IFNGR1: variants seen among roughly 807,000 people sequenced by gnomAD.
The protein encoded by IFNGR1 is interferon gamma receptor 1.
A neutral mutation model predicts 35.4 loss-of-function variants in IFNGR1; 23 were observed. That is an observed-to-expected ratio of 0.65 (90% CI 0.47 to 0.92). The LOEUF (loss-of-function observed/expected upper bound fraction) is 0.92. IFNGR1 is among the 40% of genes least tolerant of loss of function. The probability of loss-of-function intolerance (pLI) is 0.00; values close to 1 mark genes in which losing one functional copy is unlikely to be tolerated. For synonymous variants in IFNGR1, 199 were observed against 209.5 expected (o/e 0.95, Z 0.43); for missense variants, 533 against 583.4 (o/e 0.91, Z 0.89).
intron 1 of IFNGR1, among the ~76,000 whole-genome samples, chr6:137,208,928 G>A (rs182597046): frequency 5.9e-5 from 9 of 152,346 alleles, no homozygotes; most frequent in Admixed American, 5.9e-4. Context: ...TGTGAAAGCA[G>A]CTGAGAGGGA....
In IFNGR1 at chr6:137,200,910, C is replaced by T. The variant is rs1398642871; in HGVS notation, c.832G>A (p.Glu278Lys). Residue 278 changes from glutamate (E) to lysine (K), a missense_variant, in exon 6 of 7, where the codon GAA becomes AAA. Physicochemically the swap from Glu to Lys is moderately conservative, Grantham distance 56. Coordinates refer to ENST00000367739, the MANE Select transcript of IFNGR1 (RefSeq NM_000416.3). ...FYIKKINPLK[E>K]KSIILPKSLI... ...GACTTGGGTAATATTATGCTTTTTT[C>T]CTTCAATGGATTAATTTTCTTAATA... 1.2e-5 allele frequency: 19 copies of T among 1,601,772 alleles called. No homozygotes were observed. The highest frequency in any genetic ancestry group is 1.5e-5 in the Non-Finnish European group (18 of 1,171,246).
intron 6 of IFNGR1, among the ~76,000 whole-genome samples, chr6:137,199,844 C>T (rs1779235164): frequency 1.3e-5 from 2 of 151,434 alleles, no homozygotes; most frequent in South Asian, 4.2e-4. Context: ...TTTTTACTAG[C>T]TATGGAACAT....
In IFNGR1 at chr6:137,219,355, C is replaced by A. The variant is rs757420395; in HGVS notation, c.-28G>T. ...TGCTACCGACGGTCGCTGGCTCCAA[C>A]CCCGAGCGCCTGCGGGACCAGCCCA... On this transcript the variant is annotated 5_prime_UTR_variant, in exon 1 of 7. Coordinates refer to ENST00000367739, the MANE Select transcript of IFNGR1 (RefSeq NM_000416.3). 4.3e-5 allele frequency: 68 copies of A among 1,584,832 alleles called. No homozygotes were observed. Among genetic ancestry groups the A allele is most frequent in the Non-Finnish European group, 5.6e-5 (65 of 1,166,100 alleles).
chr6:137,202,742 A>G (rs946895846), intron 5 of IFNGR1, among the ~76,000 whole-genome samples: 1 of 152,174 alleles, frequency 6.6e-6, no homozygotes, highest in African/African-American at 2.4e-5. Context: ...TAGAAAAACT[A>G]AAGAAAATAT....
At chr6:137,206,551 T>A (rs2114488529) in intron 2 of IFNGR1, 1 of 442,508 alleles carries the variant, frequency 2.3e-6, no homozygotes, top group East Asian at 3.8e-5. Flanking sequence ...CATTCCACAT[T>A]CAATTTTTTA....
At chr6:137,208,375 A>G (rs1779494941) in intron 1 of IFNGR1, among the ~76,000 whole-genome samples, 2 of 152,234 alleles carry the variant, frequency 1.3e-5, no homozygotes, top group African/African-American at 2.4e-5. Flanking sequence ...CCCCAAGGCC[A>G]TCGAGAAAAT....
At chr6:137,218,125 G>A (rs1266521760) in intron 1 of IFNGR1, among the ~76,000 whole-genome samples, 3 of 152,176 alleles carry the variant, frequency 2.0e-5, no homozygotes, top group African/African-American at 7.2e-5. Flanking sequence ...GCTCCCCACT[G>A]AGTGGCTATG....
chr6:137,204,331 C>A lies in IFNGR1; in HGVS notation c.546+1G>T. ...CATTATGAAAAATGTGAAACACATA[C>A]CTCACTTCCGTTCATTCTCACATAC... On this transcript the variant is annotated splice_donor_variant, in intron 4 of 6. Transcript: ENST00000367739. LOFTEE classifies it high-confidence loss of function. The A allele has an allele frequency of 6.2e-7, 1 of 1,612,730 alleles. No individual in the cohort carries two copies. The highest frequency in any genetic ancestry group is 1.3e-5 in the African/African-American group (1 of 75,012).
At chr6:137,212,883 T>C (rs12204754) in intron 1 of IFNGR1, among the ~76,000 whole-genome samples, 5,841 of 152,284 alleles carry the variant, frequency 0.038, 150 homozygotes, top group Admixed American at 0.058. Context: ...AGGAAAATAT[T>C]TCAATGGTTT....
chr6:137,217,506 T>G (rs1482679814), intron 1 of IFNGR1, among the ~76,000 whole-genome samples: 4 of 152,162 alleles, frequency 2.6e-5, no homozygotes, highest in Non-Finnish European at 5.9e-5. Flanking sequence ...TCAGAGCCTT[T>G]CCCTGGCATT....
In IFNGR1 at chr6:137,204,476, G is replaced by A. The variant is rs368408089; in HGVS notation, c.402C>T (p.Ile134=). ...TCATGATTTGCTTCTCCTCCTTTCT[G>A]ATATCCAGTTTAGGTGGTCCAATTT... ...DGKIGPPKLD[I]RKEEKQIMID... is the part of the protein sequence containing the mutation. Residue 134 remains isoleucine (I), a synonymous_variant, in exon 4 of 7, where the codon ATC becomes ATT. Coordinates refer to ENST00000367739, the MANE Select transcript of IFNGR1 (RefSeq NM_000416.3). 3.7e-5 allele frequency: 60 copies of A among 1,613,786 alleles called. No individual in the cohort carries two copies. The highest frequency in any genetic ancestry group is 5.0e-5 in the Non-Finnish European group (59 of 1,179,850).
chr6:137,218,810 C>T (rs773149615), intron 1 of IFNGR1: 4 of 350,130 alleles, frequency 1.1e-5, no homozygotes, highest in Non-Finnish European at 2.3e-5. Flanking sequence ...CCTGTACAGC[C>T]TGTCACTGCA....
intron 6 of IFNGR1, among the ~76,000 whole-genome samples, chr6:137,199,498 A>G (rs28495805): frequency 2.5e-5 from 1 of 39,540 alleles, no homozygotes; most frequent in Admixed American, 4.1e-4. Flanking sequence ...TATATTATAT[A>G]AAATATATAA....
In IFNGR1 at chr6:137,197,938, A is replaced by G; in HGVS notation, c.*93T>C. The G allele has an allele frequency of 1.9e-6, 3 of 1,549,316 alleles. No individual in the cohort carries two copies. Among genetic ancestry groups the G allele is most frequent in the Non-Finnish European group, 2.7e-6 (3 of 1,125,288 alleles). On this transcript the variant is annotated 3_prime_UTR_variant, in exon 7 of 7. Transcript: ENST00000367739. ...CTCCATTTGGTTGATACCAACTAAGATACAATTTCTGAGATCATAATCTTT... is the reference window on the plus strand; with the variant it reads ...CTCCATTTGGTTGATACCAACTAAGGTACAATTTCTGAGATCATAATCTTT...
chr6:137,198,563 G>C lies in IFNGR1; in HGVS notation c.938C>G (p.Pro313Arg), dbSNP rs781763552. The part of the protein sequence containing the change: ...KYVSLITSYQ[P>R]FSLEKEVVCE... ...GACCACCTCCTTTTCTAAGGAAAAT[G>C]GCTGGTATGACGTGATGAGTGATAC... Residue 313 changes from proline to arginine, a missense_variant, in exon 7 of 7, where the codon CCA becomes CGA. Coordinates refer to ENST00000367739, the MANE Select transcript of IFNGR1 (RefSeq NM_000416.3). 1.2e-6 allele frequency: 2 copies of C among 1,613,684 alleles called. No individual in the cohort carries two copies. Among genetic ancestry groups the C allele is most frequent in the Non-Finnish European group, 1.7e-6 (2 of 1,179,854 alleles).
Position 137,200,971 on chromosome 6 carries a change from G to A in IFNGR1, c.771C>T (p.Leu257=). 1.9e-6 allele frequency: 3 copies of A among 1,613,204 alleles called. No individual in the cohort carries two copies. Among genetic ancestry groups the A allele is most frequent in the Non-Finnish European group, 1.7e-6 (2 of 1,179,382 alleles). ...LWIPVVAALL[L]FLVLSLVFIC... The stretch of plus-strand genomic sequence containing the variant: ...TGAATACCAGGCTAAGCACTAGAAA[G>A]AGTAGTAAAGCAGCAACAACTGGAA... The change falls in exon 6 of 7, where the codon CTC becomes CTT. Residue 257 remains leucine, a synonymous_variant. Transcript: ENST00000367739.
At chr6:137,201,120 G>A in intron 5 of IFNGR1, 112 bp from the exon 6 acceptor site, 1 of 1,120,258 alleles carries the variant, frequency 8.9e-7, no homozygotes, top group South Asian at 1.3e-5. Flanking sequence ...AATAGGGCCA[G>A]AGTTTTAAAG....
At position 137,206,326 on chromosome 6, in the gene IFNGR1, A is replaced by G. The variant is rs1279987866; in HGVS notation, c.201-18T>C. 3.8e-6 allele frequency: 6 copies of G among 1,569,694 alleles called. No individual in the cohort carries two copies. The highest frequency in any genetic ancestry group is 3.4e-5 in the Admixed American group (2 of 59,626). Reference sequence around the variant, plus strand: ...TCTTAACACTAAAAAGAATAAAAAAATGCGAAGATAACTTTTATTGTTATT... The same window carrying G: ...TCTTAACACTAAAAAGAATAAAAAAGTGCGAAGATAACTTTTATTGTTATT... On this transcript the variant is annotated intron_variant, in intron 2 of 6. Coordinates refer to ENST00000367739, the MANE Select transcript of IFNGR1 (RefSeq NM_000416.3).
At position 137,198,544 on chromosome 6, in the gene IFNGR1, C is replaced by T. The variant is rs773201366; in HGVS notation, c.957G>A (p.Glu319=). ...TSYQPFSLEK[E]VVCEEPLSPA... is the part of the protein sequence containing the mutation. Reference sequence around the variant, plus strand: ...GAGACAACGGCTCTTCACAGACCACCTCCTTTTCTAAGGAAAATGGCTGGT... The same window carrying T: ...GAGACAACGGCTCTTCACAGACCACTTCCTTTTCTAAGGAAAATGGCTGGT... The change falls in exon 7 of 7, where the codon GAG becomes GAA. Residue 319 remains glutamate, a synonymous_variant. Coordinates refer to ENST00000367739, the MANE Select transcript of IFNGR1 (RefSeq NM_000416.3). The T allele has an allele frequency of 6.8e-6, 11 of 1,613,850 alleles. No homozygotes were observed. The highest frequency in any genetic ancestry group is 9.3e-6 in the Non-Finnish European group (11 of 1,179,820).
Sources: gnomAD v4.1 joint callset for allele counts (sites outside exome capture counted in the v4.1 genomes callset) on GRCh38, gnomAD v4.1.1 for gene constraint, MANE v1.5 for transcripts, NCBI Gene and HGNC (gene_info 2026-07-23, HGNC 2026-07-21) for gene names.